Variants in TRMT44 observed in about 807,000 individuals in gnomAD.
The protein encoded by TRMT44 is tRNA methyltransferase 44 homolog.
A neutral mutation model predicts 77.3 loss-of-function variants in TRMT44; 78 were observed. The observed-to-expected ratio is 1.01, with a 90% CI of 0.84 to 1.22. The LOEUF (loss-of-function observed/expected upper bound fraction) is 1.22, where lower values mean the gene tolerates loss of function less well. Among genes scored for constraint, TRMT44 ranks in the 50% most tolerant of loss-of-function variants. The pLI, the probability that TRMT44 is intolerant of heterozygous loss-of-function variation, is 0.00. For missense variants in TRMT44, 1,090 were observed against 964.4 expected (o/e 1.13, Z -1.73); for synonymous variants, 391 against 383.3 (o/e 1.02, Z -0.23).
intron 6 of TRMT44, among the ~76,000 whole-genome samples, chr4:8,456,105 C>T (rs1020194858): frequency 1.3e-5 from 2 of 152,122 alleles, no homozygotes; most frequent in East Asian, 1.9e-4. Context: ...TCAAGAGAAA[C>T]GCAAATGTAA....
chr4:8,497,920 C>T (rs376788710), downstream of TRMT44, among the ~76,000 whole-genome samples: 13 of 152,068 alleles, frequency 8.5e-5, no homozygotes, highest in East Asian at 1.9e-4. Context: ...CTGGGGCTGG[C>T]GTGGGGGGGG....
the TRMT44 span, among the ~76,000 whole-genome samples, chr4:8,502,424 A>C: frequency 0.016 from 2,428 of 152,346 alleles, 52 homozygotes; most frequent in African/African-American, 0.055. Context: ...TTTCAAGGAC[A>C]CATATTTAGC....
At chr4:8,487,465 A>G (rs1009908385) in intron 2 of TRMT44, among the ~76,000 whole-genome samples, 2 of 151,502 alleles carry the variant, frequency 1.3e-5, no homozygotes, top group Non-Finnish European at 2.9e-5. Flanking sequence ...AGGTCGGGGC[A>G]TGGAAATAAG....
rs950906232 is a variant in TRMT44 at position 8,476,349 on chromosome 4, C to T, written c.*348C>T. 2.6e-5 allele frequency: 8 copies of T among 307,862 alleles called. No homozygotes were observed. Among genetic ancestry groups the T allele is most frequent in the Admixed American group, 4.8e-5 (1 of 20,624 alleles). 19.1% of individuals were successfully genotyped at this position (307,862 alleles called of 1,614,324 possible). A position where few individuals can be genotyped will look rare whatever the true frequency, so the allele number is the denominator to read the frequency against. ...AGGCCCTTCCCAGGGCGCTGTCCGACGCCTGCCCCACCATGTCCACATCTG... is the reference window on the plus strand; with the variant it reads ...AGGCCCTTCCCAGGGCGCTGTCCGATGCCTGCCCCACCATGTCCACATCTG... On this transcript the variant is annotated 3_prime_UTR_variant, in exon 11 of 11. Transcript: ENST00000389737.
intron 10 of TRMT44, among the ~76,000 whole-genome samples, chr4:8,472,828 C>A (rs1184232575): frequency 6.6e-6 from 1 of 152,184 alleles, no homozygotes; most frequent in African/African-American, 2.4e-5. Flanking sequence ...GTCTGCTCTT[C>A]CTTGCATAGA....
At position 8,446,157 on chromosome 4, in the gene TRMT44, G is replaced by A. The variant is rs1725042808; in HGVS notation, c.620-319G>A. ...AGGCTGTGGCAGACACTCAGTTAGGGCAGAGGTCCCCTGTTTTCTCTGATT... is the reference window on the plus strand; with the variant it reads ...AGGCTGTGGCAGACACTCAGTTAGGACAGAGGTCCCCTGTTTTCTCTGATT... On this transcript the variant is annotated intron_variant, in intron 1 of 10. Transcript: ENST00000389737. The surrounding 1 kb of genome is among the most constrained non-coding windows in gnomAD (Gnocchi z 4.3). Among the ~76,000 whole-genome samples, 1 of 152,188 alleles carries A rather than the reference G, an allele frequency of 6.6e-6. No individual in the cohort carries two copies. Among genetic ancestry groups the A allele is most frequent in the Non-Finnish European group, 1.5e-5 (1 of 68,038 alleles).
At chr4:8,472,551 C>G (rs1338986872) in intron 10 of TRMT44, among the ~76,000 whole-genome samples, 1 of 152,140 alleles carries the variant, frequency 6.6e-6, no homozygotes, top group Non-Finnish European at 1.5e-5. Context: ...CATGTGTACA[C>G]AAGAGTGCAA....
At chr4:8,474,342 T>A (rs1215206209) in intron 10 of TRMT44, among the ~76,000 whole-genome samples, 2 of 152,096 alleles carry the variant, frequency 1.3e-5, no homozygotes, top group Non-Finnish European at 2.9e-5. Context: ...GGGCAGAGTG[T>A]CGCGGGACTG....
chr4:8,513,957 T>G, the TRMT44 span, among the ~76,000 whole-genome samples: 2 of 152,190 alleles, frequency 1.3e-5, no homozygotes, highest in African/African-American at 4.8e-5. Flanking sequence ...TTTGAACCAC[T>G]TGGTTTGAAC....
rs1300264033 is a variant in TRMT44, at chr4:8,452,785, C to T, written c.1024-97C>T. 3.3e-5 allele frequency: 21 copies of T among 639,570 alleles called. No individual in the cohort carries two copies. The highest frequency in any genetic ancestry group is 4.6e-5 in the Non-Finnish European group (18 of 390,526). 39.6% of individuals were successfully genotyped at this position (639,570 alleles called of 1,614,324 possible). On this transcript the variant is annotated intron_variant, in intron 4 of 10. Coordinates refer to ENST00000389737, the MANE Select transcript of TRMT44 (RefSeq NM_152544.3). The surrounding 1 kb of genome is among the most constrained non-coding windows in gnomAD (Gnocchi z 5.7). ...TTTAGTGTAGATGATTTCAAGTTTC[C>T]TTTCACTCAGAGTTTTCTTTGACCA...
downstream of TRMT44, chr4:8,477,139 G>A (rs1727431541): frequency 6.6e-6 from 1 of 152,296 alleles, no homozygotes; most frequent in Admixed American, 6.5e-5. Flanking sequence ...GTACCCTGGT[G>A]CCTCTCCATT....
chr4:8,446,328 C>A lies in TRMT44; in HGVS notation c.620-148C>A. The A allele has an allele frequency of 1.7e-6, 1 of 600,154 alleles. No individual in the cohort carries two copies. The highest frequency in any genetic ancestry group is 2.9e-6 in the Non-Finnish European group (1 of 339,428). The allele number at this position is 600,154 out of a possible 1,614,324, so 37.2% of individuals were successfully genotyped here. On this transcript the variant is annotated intron_variant, in intron 1 of 10. Coordinates refer to ENST00000389737, the MANE Select transcript of TRMT44 (RefSeq NM_152544.3). The surrounding 1 kb of genome is among the most constrained non-coding windows in gnomAD (Gnocchi z 4.3). ...GTGGGCTGTAGCAGTGAATGAAAGG[C>A]AAAAGTTCCTCTCCTGGAGTGCCAT...
At chr4:8,507,795 C>T in the TRMT44 span, among the ~76,000 whole-genome samples, 3 of 152,228 alleles carry the variant, frequency 2.0e-5, no homozygotes, top group Non-Finnish European at 4.4e-5. Flanking sequence ...ACCCCTGCCC[C>T]GTCCCCCAGT....
intron 2 of TRMT44, among the ~76,000 whole-genome samples, chr4:8,448,731 A>T (rs1725225176): frequency 6.6e-6 from 1 of 152,198 alleles, no homozygotes. Context: ...TCTGGAAGTG[A>T]CTTGTGTCCC....
At chr4:8,505,529 A>G in the TRMT44 span, among the ~76,000 whole-genome samples, 10 of 152,174 alleles carry the variant, frequency 6.6e-5, no homozygotes, top group South Asian at 1.0e-3. Context: ...TGTGGGGGGC[A>G]TGAGTCACGC....
At chr4:8,467,275 G>A (rs901077225) in intron 8 of TRMT44, among the ~76,000 whole-genome samples, 26 of 152,310 alleles carry the variant, frequency 1.7e-4, no homozygotes, top group Admixed American at 7.8e-4. Flanking sequence ...CCGGGCGGCC[G>A]AGGGGTGGAA....
chr4:8,514,689 T>G, the TRMT44 span, among the ~76,000 whole-genome samples: 1 of 152,172 alleles, frequency 6.6e-6, no homozygotes, highest in Non-Finnish European at 1.5e-5. Flanking sequence ...GAGGTCATGT[T>G]CTACAGTTTC....
chr4:8,480,261 A>T (rs1727571128), downstream of TRMT44, among the ~76,000 whole-genome samples: 1 of 152,204 alleles, frequency 6.6e-6, no homozygotes, highest in Non-Finnish European at 1.5e-5. Flanking sequence ...AGCAGGAAAG[A>T]AAAAGTACAC....
chr4:8,463,829 ACTTCCCCGCT>A (rs534239433), intron 6 of TRMT44, among the ~76,000 whole-genome samples, 146 bp from the exon 7 acceptor site: 82 of 152,248 alleles, frequency 5.4e-4, no homozygotes, highest in East Asian at 1.4e-3. Context: ...GGATACATTG[ACTTCCCCGCT>A]CTTCCCCGCT....
Sources: gnomAD v4.1 joint callset for allele counts (sites outside exome capture counted in the v4.1 genomes callset) on GRCh38, gnomAD v4.1.1 for gene constraint, Gnocchi (gnomAD v3.1) non-coding constraint, MANE v1.5 for transcripts, NCBI Gene and HGNC (gene_info 2026-07-23, HGNC 2026-07-21) for gene names.